The following PTPRN2 variants were observed in gnomAD, a reference collection of about 807,000 sequenced individuals.
PTPRN2 encodes the protein protein tyrosine phosphatase receptor type N2.
PTPRN2 carries 74 observed loss-of-function variants against 118.8 expected under a neutral mutation model. The observed-to-expected ratio is 0.62, with a 90% CI of 0.52 to 0.76. The LOEUF (loss-of-function observed/expected upper bound fraction) is 0.76. Among genes scored for constraint, PTPRN2 ranks in the 30% least tolerant of loss-of-function variants. The pLI is 0.00. For synonymous variants in PTPRN2, 641 were observed against 608.0 expected (o/e 1.05, Z -0.80); for missense variants, 1,481 against 1,394.4 (o/e 1.06, Z -0.99).
At chr7:158,225,597 A>T (rs554278554) in intron 3 of PTPRN2, among the ~76,000 whole-genome samples, 1 of 152,224 alleles carries the variant, frequency 6.6e-6, no homozygotes, top group Admixed American at 6.5e-5. Context: ...CTAGTGTGGA[A>T]TGCAGGTACG....
intron 2 of PTPRN2, among the ~76,000 whole-genome samples, chr7:158,415,620 C>T (rs575770858): frequency 9.2e-5 from 14 of 152,290 alleles, no homozygotes; most frequent in Non-Finnish European, 1.6e-4. Context: ...GCATATACCA[C>T]GGGCCCCGCC....
chr7:157,689,686 T>C (rs1188861135), intron 12 of PTPRN2, among the ~76,000 whole-genome samples: 1 of 152,096 alleles, frequency 6.6e-6, no homozygotes, highest in African/African-American at 2.4e-5. Flanking sequence ...CAGCTTCGGG[T>C]CCAGTCACAA....
intron 12 of PTPRN2, among the ~76,000 whole-genome samples, chr7:157,726,534 C>T (rs750004773): frequency 2.0e-5 from 3 of 152,268 alleles, no homozygotes; most frequent in Non-Finnish European, 4.4e-5. Flanking sequence ...CATACATGAA[C>T]TCAGAGCTAA....
intron 15 of PTPRN2, among the ~76,000 whole-genome samples, chr7:157,613,617 G>A (rs1434121694): frequency 6.6e-6 from 1 of 152,190 alleles, no homozygotes; most frequent in African/African-American, 2.4e-5. Context: ...GGAGGCCGCC[G>A]CGTTCCTTCC....
intron 6 of PTPRN2, among the ~76,000 whole-genome samples, chr7:158,148,472 C>G (rs1377918831): frequency 7.2e-6 from 1 of 138,286 alleles, no homozygotes; most frequent in African/African-American, 2.8e-5. Flanking sequence ...CTTTCCCCCT[C>G]AATGACACCC....
intron 5 of PTPRN2, among the ~76,000 whole-genome samples, chr7:158,172,274 TTC>T (rs1321159872): frequency 1.3e-5 from 2 of 152,172 alleles, no homozygotes; most frequent in East Asian, 1.9e-4. Context: ...AGAAAAATAA[TTC>T]TGTTTTCTTT....
intron 11 of PTPRN2, among the ~76,000 whole-genome samples, chr7:158,055,184 T>C (rs1051574475): frequency 5.9e-5 from 9 of 152,206 alleles, no homozygotes; most frequent in African/African-American, 1.7e-4. Flanking sequence ...TCTATAATCA[T>C]AACCTAGGAA....
In PTPRN2 at chr7:158,022,818, G is replaced by A. The variant is rs1806995424; in HGVS notation, c.1723+58480C>T. Among the ~76,000 whole-genome samples, 1 of 152,254 alleles carries A rather than the reference G, an allele frequency of 6.6e-6. No homozygotes were observed. Among genetic ancestry groups the A allele is most frequent in the South Asian group, 2.1e-4 (1 of 4,836 alleles). ...CACCCCTGGAGCAGGGCACTGTTGG[G>A]TTACTTGAAAAATAGGAAGAAAAAG... On this transcript the variant is annotated intron_variant, in intron 11 of 22. Transcript: ENST00000389418. This position sits in a 1 kb window ranked among gnomAD's most constrained non-coding sequence, Gnocchi z 4.6.
intron 2 of PTPRN2, among the ~76,000 whole-genome samples, chr7:158,457,576 T>C (rs1818620837): frequency 1.2e-5 from 1 of 84,148 alleles, no homozygotes; most frequent in South Asian, 3.9e-4. Flanking sequence ...TCCAAGTTCA[T>C]TAGCAAAGGT....
chr7:158,232,652 C>A (rs937586512), intron 3 of PTPRN2, among the ~76,000 whole-genome samples: 1 of 151,582 alleles, frequency 6.6e-6, no homozygotes, highest in Non-Finnish European at 1.5e-5. Context: ...AAAAGGAGGA[C>A]TATAGGCATA....
intron 14 of PTPRN2, among the ~76,000 whole-genome samples, chr7:157,639,537 C>T (rs1247430155): frequency 1.3e-5 from 2 of 152,252 alleles, no homozygotes; most frequent in Non-Finnish European, 2.9e-5. Context: ...ATGGCACAGT[C>T]AGCCTTTCAC....
intron 4 of PTPRN2, among the ~76,000 whole-genome samples, chr7:158,193,124 G>T (rs1417554370): frequency 6.6e-6 from 1 of 152,234 alleles, no homozygotes; most frequent in African/African-American, 2.4e-5. Context: ...GGGCAGGGAC[G>T]CCGGAGGCTA....
chr7:158,175,219 G>C (rs145220084), intron 5 of PTPRN2, among the ~76,000 whole-genome samples: 1 of 152,318 alleles, frequency 6.6e-6, no homozygotes, highest in South Asian at 2.1e-4. Context: ...GCACTGACAG[G>C]CACCTTGATC....
At chr7:158,071,019 G>A (rs1205035721) in intron 11 of PTPRN2, among the ~76,000 whole-genome samples, 64 of 84,692 alleles carry the variant, frequency 7.6e-4, no homozygotes, top group Middle Eastern at 9.8e-3. Context: ...GGAGGTGCTC[G>A]TGGTGGAGGT....
At chr7:157,774,511 G>C (rs1803073175) in intron 12 of PTPRN2, among the ~76,000 whole-genome samples, 3 of 152,262 alleles carry the variant, frequency 2.0e-5, no homozygotes, top group Admixed American at 2.0e-4. Context: ...GTGAGTTTAA[G>C]AAAATGGTAA....
At chr7:158,512,076 G>A (rs1402354041) in intron 1 of PTPRN2, among the ~76,000 whole-genome samples, 1 of 152,150 alleles carries the variant, frequency 6.6e-6, no homozygotes, top group Non-Finnish European at 1.5e-5. Flanking sequence ...TCAGATCCCG[G>A]GACAGAATGC....
rs531373475 is a variant in PTPRN2, at chr7:157,674,442, C to T, written c.2001+8283G>A. On this transcript the variant is annotated intron_variant, in intron 13 of 22. Coordinates refer to ENST00000389418, the MANE Select transcript of PTPRN2 (RefSeq NM_002847.5). This position sits in a 1 kb window ranked among gnomAD's most constrained non-coding sequence, Gnocchi z 4.5. ...CGGTTTGACGTGCAATTGCTTTTCC[C>T]GAAGCTTTCTCCTCTTGTAACACCC... 4.6e-5 allele frequency among the ~76,000 whole-genome samples: 7 copies of T among 152,310 alleles called. No homozygotes were observed. The South Asian group carries it at 8.3e-4, about 18-fold the overall frequency.
chr7:158,556,930 G>A lies in PTPRN2; in HGVS notation c.112+30628C>T, dbSNP rs559890342. ...CAGGTCGCTCCCACGCAGGTCAGGC[G>A]GCTCCCGCGCAGGTCACTCCCACGC... On this transcript the variant is annotated intron_variant, in intron 1 of 22. Transcript: ENST00000389418. 1.2e-3 allele frequency among the ~76,000 whole-genome samples: 159 copies of A among 133,110 alleles called. 1 individual carries two copies. The highest frequency in any genetic ancestry group is 4.4e-3 in the African/African-American group (155 of 34,844). 87.3% of individuals were successfully genotyped at this position (133,110 alleles called of 152,430 possible).
At chr7:157,994,640 G>GCATCCCCAGCTTACAGCTCCT (rs1804553657) in intron 11 of PTPRN2, among the ~76,000 whole-genome samples, 1 of 142,078 alleles carries the variant, frequency 7.0e-6, no homozygotes, top group African/African-American at 2.8e-5. Context: ...AATCAACGCC[G>GCATCCCCAGCTTACAGCTCCT]TGTCCCCAGC....
Sources: gnomAD v4.1 joint callset for allele counts (sites outside exome capture counted in the v4.1 genomes callset) on GRCh38, gnomAD v4.1.1 for gene constraint, Gnocchi (gnomAD v3.1) non-coding constraint, MANE v1.5 for transcripts, NCBI Gene and HGNC (gene_info 2026-07-23, HGNC 2026-07-21) for gene names.